CTNNA2: variants seen among roughly 807,000 people sequenced by gnomAD.
The protein encoded by CTNNA2 is catenin alpha 2.
A neutral mutation model predicts 101.0 loss-of-function variants in CTNNA2; 42 were observed. That is an observed-to-expected ratio of 0.42 (90% CI 0.32 to 0.54). CTNNA2 has a LOEUF of 0.54. Ranked by LOEUF, CTNNA2 falls within the 20% of genes least tolerant of loss-of-function variation. The pLI is 0.14. For missense variants in CTNNA2, 871 were observed against 1,223.1 expected, an observed-to-expected ratio of 0.71 and a Z score of 4.29; for synonymous variants, 450 against 456.4, an observed-to-expected ratio of 0.99 and a Z score of 0.18.
intron 7 of CTNNA2, among the ~76,000 whole-genome samples, chr2:79,910,193 G>A (rs1413549049): frequency 6.6e-6 from 1 of 152,112 alleles, no homozygotes; most frequent in Non-Finnish European, 1.5e-5. Context: ...CTGTAGATGC[G>A]AATCTTCACC....
intron 7 of CTNNA2, among the ~76,000 whole-genome samples, chr2:80,020,903 C>A (rs1198634754): frequency 6.6e-6 from 1 of 151,876 alleles, no homozygotes; most frequent in Non-Finnish European, 1.5e-5. Flanking sequence ...TGTGGACCAG[C>A]CAAAGTGAGA....
At chr2:79,396,183 T>G (rs1171667064) in intron 4 of CTNNA2, among the ~76,000 whole-genome samples, 1 of 152,144 alleles carries the variant, frequency 6.6e-6, no homozygotes, top group Non-Finnish European at 1.5e-5. Context: ...TCTTTTTTTT[T>G]GAGACAGAGT....
chr2:80,173,574 G>T (rs749900281), intron 7 of CTNNA2, among the ~76,000 whole-genome samples: 6 of 152,184 alleles, frequency 3.9e-5, no homozygotes, highest in Admixed American at 2.6e-4. Context: ...TCTCTCCAAA[G>T]CTTGAATTCA....
At chr2:80,256,345 A>G (rs1183157167) in intron 7 of CTNNA2, among the ~76,000 whole-genome samples, 1 of 152,100 alleles carries the variant, frequency 6.6e-6, no homozygotes, top group Non-Finnish European at 1.5e-5. Context: ...CCACTCACTG[A>G]TGGGTGTGTT....
At chr2:79,804,870 A>C (rs2105312606) in intron 3 of CTNNA2, among the ~76,000 whole-genome samples, 1 of 152,338 alleles carries the variant, frequency 6.6e-6, no homozygotes. Flanking sequence ...GAACATTTTA[A>C]AAGTCTCAGT....
At chr2:80,401,123 A>G (rs1341008818) in intron 8 of CTNNA2, among the ~76,000 whole-genome samples, 1 of 152,122 alleles carries the variant, frequency 6.6e-6, no homozygotes, top group African/African-American at 2.4e-5. Context: ...TATCTCTATC[A>G]TGACACATTT....
intron 2 of CTNNA2, among the ~76,000 whole-genome samples, chr2:79,218,353 T>TG (rs1305328019): frequency 6.6e-5 from 2 of 30,208 alleles, no homozygotes; most frequent in Non-Finnish European, 1.9e-4. Context: ...GTGTGTGTAT[T>TG]TTTTTTTTTT....
intron 2 of CTNNA2, among the ~76,000 whole-genome samples, chr2:79,672,384 AAATAG>A (rs1682898912): frequency 6.6e-6 from 1 of 152,236 alleles, no homozygotes; most frequent in Non-Finnish European, 1.5e-5. Flanking sequence ...TAATCAAGTT[AAATAG>A]AATAGAACAT....
chr2:80,540,969 G>T (rs541533820), intron 9 of CTNNA2, among the ~76,000 whole-genome samples: 1 of 152,182 alleles, frequency 6.6e-6, no homozygotes, highest in Non-Finnish European at 1.5e-5. Context: ...GATTATAGGC[G>T]TGAGCCACTG....
intron 2 of CTNNA2, among the ~76,000 whole-genome samples, chr2:79,693,393 G>C (rs1684448309): frequency 6.6e-6 from 1 of 151,680 alleles, no homozygotes; most frequent in Non-Finnish European, 1.5e-5. Flanking sequence ...CTAATACCTA[G>C]AGTCTACACA....
intron 7 of CTNNA2, among the ~76,000 whole-genome samples, chr2:80,067,508 T>C (rs1290581261): frequency 2.0e-5 from 3 of 152,180 alleles, no homozygotes; most frequent in South Asian, 2.1e-4. Flanking sequence ...AAAGTACGTA[T>C]ACAGAATTTC....
intron 2 of CTNNA2, chr2:79,293,290 A>AT (rs1354598380): frequency 3.9e-5 from 6 of 152,214 alleles, no homozygotes; most frequent in Admixed American, 6.5e-5. Flanking sequence ...ATGTGGGCCA[A>AT]TTTCTCATTC....
intron 7 of CTNNA2, among the ~76,000 whole-genome samples, chr2:80,202,943 A>G (rs567019297): frequency 6.6e-6 from 1 of 152,320 alleles, no homozygotes; most frequent in South Asian, 2.1e-4. Context: ...CCTAACAATC[A>G]TGGCAGAAGG....
At chr2:79,661,549 G>C (rs1682037082) in intron 2 of CTNNA2, among the ~76,000 whole-genome samples, 2 of 152,142 alleles carry the variant, frequency 1.3e-5, no homozygotes, top group African/African-American at 4.8e-5. Flanking sequence ...CACCAATCCT[G>C]GTTTCTCTTA....
At chr2:79,323,026 T>C (rs1676660300) in intron 3 of CTNNA2, among the ~76,000 whole-genome samples, 1 of 152,194 alleles carries the variant, frequency 6.6e-6, no homozygotes, top group Non-Finnish European at 1.5e-5. Flanking sequence ...TATTTTCCCA[T>C]GCTAGGAATA....
chr2:80,020,991 A>G (rs1456783425), intron 7 of CTNNA2, among the ~76,000 whole-genome samples: 1 of 119,466 alleles, frequency 8.4e-6, no homozygotes, highest in Non-Finnish European at 1.6e-5. Context: ...ATGACCAATC[A>G]TCTTTTTTTT....
intron 7 of CTNNA2, among the ~76,000 whole-genome samples, chr2:80,343,668 A>G (rs1401309185): frequency 1.3e-5 from 2 of 152,190 alleles, no homozygotes; most frequent in East Asian, 3.9e-4. Context: ...TATAAGAAAA[A>G]TAGGACTGGA....
chr2:79,277,594 AC>A (rs1452380820), intron 2 of CTNNA2, among the ~76,000 whole-genome samples: 1 of 152,070 alleles, frequency 6.6e-6, no homozygotes, highest in African/African-American at 2.4e-5. Flanking sequence ...TTTAATTTTT[AC>A]AAAAGTTCTA....
At chr2:80,110,157 C>T (rs1271883351) in intron 7 of CTNNA2, among the ~76,000 whole-genome samples, 1 of 152,224 alleles carries the variant, frequency 6.6e-6, no homozygotes, top group East Asian at 1.9e-4. Flanking sequence ...AAGAGCTACC[C>T]ACCAGTTCCA....
Sources: allele counts gnomAD v4.1 joint callset (sites outside exome capture counted in the v4.1 genomes callset), GRCh38; gene constraint gnomAD v4.1.1; transcripts MANE v1.5; gene names NCBI Gene and HGNC (gene_info 2026-07-23, HGNC 2026-07-21).